The following PTPRM variants were observed in gnomAD, a reference collection of about 807,000 sequenced individuals.
PTPRM encodes the protein protein tyrosine phosphatase receptor type M.
Under a neutral mutation model 186.7 loss-of-function variants are expected in PTPRM, and 47 were observed. That is an observed-to-expected ratio of 0.25 (90% CI 0.20 to 0.32). The LOEUF (loss-of-function observed/expected upper bound fraction) is 0.32. PTPRM is among the 10% of genes least tolerant of loss of function. The pLI, the probability that PTPRM is intolerant of heterozygous loss-of-function variation, is 1.00. For synonymous variants in PTPRM, 668 were observed against 674.9 expected, an observed-to-expected ratio of 0.99 and a Z score of 0.16; for missense variants, 1,494 against 1,865.0, an observed-to-expected ratio of 0.80 and a Z score of 3.66.
At chr18:8,218,033 G>A (rs894233696) in intron 14 of PTPRM, among the ~76,000 whole-genome samples, 2 of 152,234 alleles carry the variant, frequency 1.3e-5, no homozygotes, top group Admixed American at 1.3e-4. Flanking sequence ...CCCACATAGA[G>A]AGCAACAAGA....
chr18:7,865,952 AT>A (rs1431163523), intron 2 of PTPRM, among the ~76,000 whole-genome samples: 1 of 151,530 alleles, frequency 6.6e-6, no homozygotes, highest in Non-Finnish European at 1.5e-5. Flanking sequence ...TTTCTTCTAG[AT>A]TTTCTAGTTT....
At chr18:7,575,619 G>A (rs1462048857) in intron 1 of PTPRM, among the ~76,000 whole-genome samples, 1 of 152,210 alleles carries the variant, frequency 6.6e-6, no homozygotes, top group African/African-American at 2.4e-5. Context: ...AAAACTGGAA[G>A]AAGTAGTATA....
intron 20 of PTPRM, among the ~76,000 whole-genome samples, chr18:8,297,587 T>C (rs1406051479): frequency 6.6e-6 from 1 of 152,240 alleles, no homozygotes; most frequent in East Asian, 1.9e-4. Flanking sequence ...TTTCTTGTTT[T>C]TGCTGTTCAA....
chr18:8,043,318 C>G (rs1265131465), intron 7 of PTPRM, among the ~76,000 whole-genome samples: 1 of 152,132 alleles, frequency 6.6e-6, no homozygotes, highest in African/African-American at 2.4e-5. Flanking sequence ...TTCTTAGTCA[C>G]TGGTAGAATT....
chr18:8,357,955 A>C (rs2095572407), intron 23 of PTPRM, among the ~76,000 whole-genome samples: 1 of 152,228 alleles, frequency 6.6e-6, no homozygotes, highest in Non-Finnish European at 1.5e-5. Context: ...AGGCTTATTC[A>C]GTATTTTAAA....
intron 22 of PTPRM, among the ~76,000 whole-genome samples, chr18:8,338,113 T>C (rs915909939): frequency 1.3e-5 from 2 of 151,902 alleles, no homozygotes; most frequent in Non-Finnish European, 2.9e-5. Flanking sequence ...AAACAGGGTG[T>C]GCTGTGCTCT....
intron 7 of PTPRM, among the ~76,000 whole-genome samples, chr18:8,023,775 A>C (rs2085372433): frequency 1.3e-5 from 2 of 151,812 alleles, no homozygotes; most frequent in Non-Finnish European, 2.9e-5. Context: ...ATTGCTATGG[A>C]TAATATACAA....
At chr18:7,616,797 G>A (rs1194462866) in intron 1 of PTPRM, among the ~76,000 whole-genome samples, 1 of 152,154 alleles carries the variant, frequency 6.6e-6, no homozygotes, top group Non-Finnish European at 1.5e-5. Context: ...CCCACTTGGG[G>A]TGGGAGGCCT....
intron 21 of PTPRM, among the ~76,000 whole-genome samples, chr18:8,318,327 C>T (rs1202974536): frequency 1.0e-5 from 1 of 97,714 alleles, no homozygotes; most frequent in Non-Finnish European, 1.9e-5. Flanking sequence ...GACAGGGTCT[C>T]ACTTTGTCAC....
chr18:7,724,279 T>G (rs2040504254), intron 1 of PTPRM, among the ~76,000 whole-genome samples: 1 of 152,210 alleles, frequency 6.6e-6, no homozygotes, highest in Non-Finnish European at 1.5e-5. Context: ...GTTTTCTTTT[T>G]CATCTGTTAC....
At chr18:8,365,146 C>T (rs543225661) in intron 23 of PTPRM, among the ~76,000 whole-genome samples, 2 of 152,168 alleles carry the variant, frequency 1.3e-5, no homozygotes, top group Non-Finnish European at 2.9e-5. Context: ...CCTGGTAAGA[C>T]TGAGGAAAGC....
chr18:8,360,112 C>T (rs2095587922), intron 23 of PTPRM, among the ~76,000 whole-genome samples: 1 of 152,190 alleles, frequency 6.6e-6, no homozygotes, highest in Non-Finnish European at 1.5e-5. Context: ...TTAGATAGAG[C>T]CTTTACACAA....
chr18:7,961,804 T>C (rs2053698312), intron 7 of PTPRM, among the ~76,000 whole-genome samples: 1 of 143,150 alleles, frequency 7.0e-6, no homozygotes, highest in African/African-American at 2.6e-5. Flanking sequence ...CGATAGTGTT[T>C]TTATAACTTC....
At position 8,114,539 on chromosome 18, in the gene PTPRM, G is replaced by A. The variant is rs116372626; in HGVS notation, c.2131-252G>A. Among the ~76,000 whole-genome samples the A allele has an allele frequency of 6.0e-3, 907 of 152,232 alleles. 8 individuals are homozygous for A. Among genetic ancestry groups the A allele is most frequent in the African/African-American group, 0.021 (857 of 41,516 alleles). On this transcript the variant is annotated intron_variant, in intron 12 of 32. Coordinates refer to ENST00000580170, the MANE Select transcript of PTPRM (RefSeq NM_001105244.2). ...ACCTCCTTACTAAAGGAGGTCCGGGGCCACCAGGCAGAGACATTTTATGTG... is the reference window on the plus strand; with the variant it reads ...ACCTCCTTACTAAAGGAGGTCCGGGACCACCAGGCAGAGACATTTTATGTG...
chr18:8,190,250 C>T (rs2093693539), intron 14 of PTPRM, among the ~76,000 whole-genome samples: 1 of 152,162 alleles, frequency 6.6e-6, no homozygotes, highest in South Asian at 2.1e-4. Context: ...AATTTTGTGT[C>T]CTTTGACCAA....
chr18:8,095,804 T>C (rs1426320958), intron 11 of PTPRM, among the ~76,000 whole-genome samples: 1 of 152,132 alleles, frequency 6.6e-6, no homozygotes, highest in Non-Finnish European at 1.5e-5. Context: ...AGAGAATATA[T>C]TGATGTTAAA....
intron 7 of PTPRM, among the ~76,000 whole-genome samples, chr18:7,955,646 A>T (rs1316894433): frequency 4.6e-5 from 7 of 152,038 alleles, no homozygotes; most frequent in African/African-American, 1.7e-4. Flanking sequence ...CCTATTGTTA[A>T]TTTACTTCTT....
At chr18:8,349,110 T>A (rs2095520736) in intron 23 of PTPRM, among the ~76,000 whole-genome samples, 1 of 152,180 alleles carries the variant, frequency 6.6e-6, no homozygotes, top group African/African-American at 2.4e-5. Flanking sequence ...CTAATTCACA[T>A]ACAAGGAAGG....
intron 7 of PTPRM, among the ~76,000 whole-genome samples, chr18:8,061,285 C>CT (rs1186835149): frequency 2.5e-4 from 22 of 89,456 alleles, no homozygotes; most frequent in Non-Finnish European, 3.6e-4. Context: ...CAACCCCTGC[C>CT]TTTTTTTGTT....
Sources: allele counts gnomAD v4.1 joint callset (sites outside exome capture counted in the v4.1 genomes callset), GRCh38; gene constraint gnomAD v4.1.1; transcripts MANE v1.5; gene names NCBI Gene and HGNC (gene_info 2026-07-23, HGNC 2026-07-21).